The following CCDC158 variants were observed in gnomAD, a reference collection of about 807,000 sequenced individuals.
The protein encoded by CCDC158 is coiled-coil domain-containing protein 158.
A neutral mutation model predicts 138.6 loss-of-function variants in CCDC158; 116 were observed. The observed-to-expected ratio is 0.84, with a 90% confidence interval of 0.72 to 0.98. CCDC158 has a LOEUF of 0.98. CCDC158 is among the 50% of genes least tolerant of loss of function. The pLI, the probability that CCDC158 is intolerant of heterozygous loss-of-function variation, is 0.00. For missense variants in CCDC158, 1,265 were observed against 1,306.1 expected (o/e 0.97, Z 0.48); for synonymous variants, 436 against 442.4 (o/e 0.99, Z 0.18).
chr4:76,400,586 C>T (rs1728274694), intron 3 of CCDC158, among the ~76,000 whole-genome samples: 2 of 151,444 alleles, frequency 1.3e-5, no homozygotes, highest in African/African-American at 2.4e-5. Flanking sequence ...CCTTCCTCTG[C>T]ACTACCCACC....
In CCDC158 at chr4:76,367,623, G is replaced by A. The variant is rs374319960; in HGVS notation, c.1501C>T (p.Leu501=). Residue 501 remains leucine (L), a synonymous_variant, in exon 12 of 25, where the codon CTG becomes TTG. Coordinates refer to ENST00000682701, the MANE Select transcript of CCDC158 (RefSeq NM_001394954.1). ...TCTTTTTCCTGGAGAGAAGTTGTCA[G>A]GTCCGATATTGTCCTCTCTGAGCTC... The part of the protein sequence containing the change: ...LESSERTISD[L]TTSLQEKERA... 1.9e-5 allele frequency: 31 copies of A among 1,614,194 alleles called. No individual in the cohort carries two copies. The African/African-American group carries it at 2.9e-4, about 15-fold the overall frequency.
At chr4:76,344,664 C>G in intron 18 of CCDC158, 1 of 1,611,338 alleles carries the variant, frequency 6.2e-7, no homozygotes, top group East Asian at 2.2e-5. Context: ...GACCACACTG[C>G]CCATGTTTCA....
intron 4 of CCDC158, among the ~76,000 whole-genome samples, chr4:76,392,550 T>C (rs28816144): frequency 0.03 from 4,481 of 151,840 alleles, 220 homozygotes; most frequent in African/African-American, 0.1. Flanking sequence ...GGGAGAAAAA[T>C]TGAAAGCCTT....
intron 9 of CCDC158, among the ~76,000 whole-genome samples, chr4:76,372,763 T>C (rs1579007256): frequency 6.6e-6 from 1 of 152,338 alleles, no homozygotes; most frequent in East Asian, 1.9e-4. Flanking sequence ...AAGTGCATTT[T>C]ATTCTGACAA....
At chr4:76,397,507 A>G (rs1478912066) in intron 3 of CCDC158, among the ~76,000 whole-genome samples, 1 of 152,228 alleles carries the variant, frequency 6.6e-6, no homozygotes, top group Non-Finnish European at 1.5e-5. Context: ...TTCAAATAAC[A>G]TTAGAACACA....
At chr4:76,362,408 G>T in intron 12 of CCDC158, 93 bp from the exon 13 acceptor site, 1 of 819,056 alleles carries the variant, frequency 1.2e-6, no homozygotes, top group Non-Finnish European at 1.9e-6. Context: ...CCTAAAATCT[G>T]ACAACAGTCT....
chr4:76,372,856 CT>C (rs149351064), intron 9 of CCDC158, among the ~76,000 whole-genome samples: 17 of 149,008 alleles, frequency 1.1e-4, no homozygotes, highest in Non-Finnish European at 1.8e-4. Context: ...TTCTATAGTT[CT>C]TTTTTTTTTG....
At chr4:76,370,603 G>T (rs1055538584) in intron 10 of CCDC158, among the ~76,000 whole-genome samples, 1 of 152,184 alleles carries the variant, frequency 6.6e-6, no homozygotes, top group South Asian at 2.1e-4. Context: ...AGACTGCCAT[G>T]CTTCAGGCAA....
chr4:76,343,777 G>A (rs1401671942), intron 18 of CCDC158, among the ~76,000 whole-genome samples: 1 of 152,046 alleles, frequency 6.6e-6, no homozygotes, highest in African/African-American at 2.4e-5. Context: ...CTCCAGCCTG[G>A]GTGACAGAGT....
chr4:76,369,227 T>C (rs1724990588), intron 11 of CCDC158, among the ~76,000 whole-genome samples, 199 bp downstream of exon 11: 1 of 151,824 alleles, frequency 6.6e-6, no homozygotes, highest in South Asian at 2.1e-4. Context: ...AATAAATAAA[T>C]AAATAAATAA....
intron 3 of CCDC158, among the ~76,000 whole-genome samples, chr4:76,398,105 T>C (rs755358307): frequency 6.6e-6 from 1 of 152,210 alleles, no homozygotes; most frequent in Non-Finnish European, 1.5e-5. Flanking sequence ...AAGATGGTTC[T>C]ATAATGATAA....
At chr4:76,354,499 A>G (rs539718649) in intron 15 of CCDC158, among the ~76,000 whole-genome samples, 1 of 152,282 alleles carries the variant, frequency 6.6e-6, no homozygotes, top group South Asian at 2.1e-4. Flanking sequence ...CAGTTCTGTT[A>G]TAAATCTTCT....
chr4:76,351,753 C>T lies in CCDC158; in HGVS notation c.2505G>A (p.Val835=). Residue 835 remains valine, a synonymous_variant, in exon 17 of 25, where the codon GTG becomes GTA. Coordinates refer to ENST00000682701, the MANE Select transcript of CCDC158 (RefSeq NM_001394954.1). ...DIIQRQEQES[V]RLKLQHTLDI... ...CCAAAGTGTGTTGAAGTTTTAAGCG[C>T]ACTGATTCTTGCTCCTGACGCTGTA... The T allele has an allele frequency of 6.2e-7, 1 of 1,613,274 alleles. No homozygotes were observed.
chr4:76,384,351 C>G lies in CCDC158; in HGVS notation c.463G>C (p.Glu155Gln), dbSNP rs1258007223. The G allele has an allele frequency of 6.2e-7, 1 of 1,614,148 alleles. No individual in the cohort carries two copies. Among genetic ancestry groups the G allele is most frequent in the East Asian group, 2.2e-5 (1 of 44,890 alleles). The change falls in exon 6 of 25, where the codon GAA becomes CAA. Residue 155 changes from glutamate (E) to glutamine (Q), a missense_variant. Glu to Gln is a conservative substitution (Grantham distance 29). Transcript: ENST00000682701. Reference protein sequence around the residue: ...NQLQNTVHELEAAKCLKEDML... With the variant: ...NQLQNTVHELQAAKCLKEDML... ...TCCTCTTTAAGGCATTTGGCAGCTT[C>G]AAGTTCATGAACTGTATTTTGAAGC... is the stretch of plus-strand genomic sequence containing the variant.
intron 1 of CCDC158, among the ~76,000 whole-genome samples, chr4:76,418,694 C>T (rs540873112): frequency 9.2e-5 from 14 of 152,218 alleles, no homozygotes; most frequent in Admixed American, 2.0e-4. Flanking sequence ...TTCACTATCA[C>T]GAGAACAGCA....
At chr4:76,329,393 G>A (rs1421209929) in intron 21 of CCDC158, among the ~76,000 whole-genome samples, 3 of 152,054 alleles carry the variant, frequency 2.0e-5, no homozygotes, top group East Asian at 3.9e-4. Context: ...AGACCATTTG[G>A]CCAACATGGT....
chr4:76,323,234 G>T, intron 24 of CCDC158, 68 bp downstream of exon 24: 2 of 1,138,532 alleles, frequency 1.8e-6, no homozygotes, highest in Non-Finnish European at 2.6e-6. Context: ...TAGACAGGAG[G>T]CTTAATCTGA....
At chr4:76,377,737 T>A (rs1725848208) in intron 9 of CCDC158, among the ~76,000 whole-genome samples, 1 of 152,148 alleles carries the variant, frequency 6.6e-6, no homozygotes, top group African/African-American at 2.4e-5. Context: ...CTTTAAGCAG[T>A]CTAAGGTTGC....
intron 2 of CCDC158, among the ~76,000 whole-genome samples, chr4:76,410,234 G>A (rs1417915571): frequency 6.6e-6 from 1 of 152,084 alleles, no homozygotes; most frequent in Non-Finnish European, 1.5e-5. Flanking sequence ...GTCCAGGCTG[G>A]AGTGCAGTGG....
Sources: allele counts gnomAD v4.1 joint callset (sites outside exome capture counted in the v4.1 genomes callset), GRCh38; gene constraint gnomAD v4.1.1; transcripts MANE v1.5; gene names NCBI Gene and HGNC (gene_info 2026-07-23, HGNC 2026-07-21).